Variants in TFEC observed in about 807,000 individuals in gnomAD.
The protein encoded by TFEC is class E basic helix-loop-helix protein 34.
TFEC carries 31 observed loss-of-function variants against 41.6 expected under a neutral mutation model. The ratio of observed to expected loss-of-function variants is 0.74; its 90% confidence interval spans 0.56 to 1.01. The LOEUF is 1.01. Ranked by LOEUF, TFEC falls within the 50% of genes least tolerant of loss-of-function variation. The pLI is 0.00. For missense variants in TFEC, 402 were observed against 404.1 expected (o/e 0.99, Z 0.04); for synonymous variants, 143 against 140.6 (o/e 1.02, Z -0.12).
chr7:116,106,391 T>C (rs1014013785), intron 3 of TFEC, among the ~76,000 whole-genome samples: 1 of 152,072 alleles, frequency 6.6e-6, no homozygotes, highest in African/African-American at 2.4e-5. Context: ...TTTGTTTGTT[T>C]GTTTGTTTTT....
chr7:116,128,085 T>G (rs1798252684), intron 1 of TFEC, among the ~76,000 whole-genome samples: 1 of 152,182 alleles, frequency 6.6e-6, no homozygotes, highest in Non-Finnish European at 1.5e-5. Flanking sequence ...ACTAACATGC[T>G]CTCATGTAAA....
intron 2 of TFEC, among the ~76,000 whole-genome samples, chr7:115,975,987 T>A (rs1793361557): frequency 6.6e-6 from 1 of 152,192 alleles, no homozygotes. Context: ...ATTTCTGCAA[T>A]GATGGGAATG....
intron 1 of TFEC, among the ~76,000 whole-genome samples, chr7:116,028,245 C>A (rs2130880875): frequency 6.6e-6 from 1 of 152,230 alleles, no homozygotes; most frequent in East Asian, 1.9e-4. Flanking sequence ...AATCACAAAA[C>A]CATCTATCAT....
chr7:115,936,592 C>T lies in TFEC; in HGVS notation c.*3959G>A, dbSNP rs1793239024. ...ACGTTTAAATTCCACAATATCCAAA[C>T]AGGAAAAAAGTGTTTCCATGATGCC... On this transcript the variant is annotated 3_prime_UTR_variant, in exon 8 of 8. Transcript: ENST00000265440. 1 of 151,510 alleles carries T rather than the reference C, an allele frequency of 6.6e-6. No homozygotes were observed. Among genetic ancestry groups the T allele is most frequent in the Non-Finnish European group, 1.5e-5 (1 of 67,616 alleles). 9.4% of individuals were successfully genotyped at this position (151,510 alleles called of 1,614,324 possible).
chr7:116,060,223 G>A (rs1304345889), intron 3 of TFEC, among the ~76,000 whole-genome samples: 1 of 152,038 alleles, frequency 6.6e-6, no homozygotes, highest in African/African-American at 2.4e-5. Context: ...AAAATAACAT[G>A]CTGGCAAGGT....
At chr7:116,048,370 A>G (rs1049477102) in intron 3 of TFEC, among the ~76,000 whole-genome samples, 18 of 152,258 alleles carry the variant, frequency 1.2e-4, no homozygotes, top group Non-Finnish European at 2.2e-4. Flanking sequence ...TAATTGGAAG[A>G]AAGGTTATCA....
At chr7:115,986,494 C>G (rs1375937678) in intron 1 of TFEC, among the ~76,000 whole-genome samples, 1 of 151,772 alleles carries the variant, frequency 6.6e-6, no homozygotes, top group Non-Finnish European at 1.5e-5. Context: ...AGCAAAAGCT[C>G]CATAACACAT....
chr7:115,966,076 C>T (rs1387707964), intron 3 of TFEC, among the ~76,000 whole-genome samples: 1 of 151,718 alleles, frequency 6.6e-6, no homozygotes, highest in East Asian at 1.9e-4. Flanking sequence ...AATACAACTT[C>T]CTTCTGCTTT....
chr7:116,130,197 A>G (rs1345842380), intron 1 of TFEC, among the ~76,000 whole-genome samples: 4 of 152,228 alleles, frequency 2.6e-5, no homozygotes, highest in Middle Eastern at 6.8e-3. Flanking sequence ...AAAGTTTCCT[A>G]TATTCTCACT....
intron 1 of TFEC, among the ~76,000 whole-genome samples, chr7:116,001,638 T>C (rs1794600979): frequency 6.6e-6 from 1 of 151,602 alleles, no homozygotes; most frequent in African/African-American, 2.4e-5. Context: ...AAAGCAAAAA[T>C]GGACAAATGG....
intron 3 of TFEC, chr7:115,968,424 G>C (rs1792973484): frequency 1.2e-6 from 1 of 804,326 alleles, no homozygotes; most frequent in Admixed American, 3.5e-5. Flanking sequence ...CAAGCACAGG[G>C]GGTTGTTAAT....
At chr7:115,949,219 A>C (rs938042007) in intron 6 of TFEC, among the ~76,000 whole-genome samples, 1 of 152,136 alleles carries the variant, frequency 6.6e-6, no homozygotes, top group Non-Finnish European at 1.5e-5. Context: ...GAAATGGAAG[A>C]ACATTCCATG....
At chr7:115,955,761 A>G (rs2130413300) in intron 4 of TFEC, among the ~76,000 whole-genome samples, 1 of 152,206 alleles carries the variant, frequency 6.6e-6, no homozygotes, top group African/African-American at 2.4e-5. Context: ...TATTAGAGTT[A>G]TAGTTTAAAA....
rs530644339 is a variant in TFEC, at chr7:116,119,917, T to A, written c.-68-7879A>T. On this transcript the variant is annotated intron_variant, in intron 1 of 8. Coordinates refer to the TFEC transcript ENST00000484212. ...TGATACATCCATATAAAGTCATGGT[T>A]CAGAATAGTTAATTACATTGGAAAT... 2.0e-5 allele frequency among the ~76,000 whole-genome samples: 3 copies of A among 151,590 alleles called. No homozygotes were observed. In the East Asian group the frequency reaches 5.8e-4, roughly 29 times the overall value.
chr7:116,078,116 C>T (rs1296863845), intron 3 of TFEC, among the ~76,000 whole-genome samples: 2 of 151,966 alleles, frequency 1.3e-5, no homozygotes, highest in Non-Finnish European at 2.9e-5. Flanking sequence ...AAATCAACTC[C>T]AAAAGGAACC....
chr7:116,073,427 C>T (rs1796877385), intron 3 of TFEC, among the ~76,000 whole-genome samples: 2 of 151,202 alleles, frequency 1.3e-5, no homozygotes, highest in African/African-American at 4.8e-5. Context: ...AAGCAAATGG[C>T]TCTTAGAAAA....
At chr7:115,980,864 G>A (rs944340741) in intron 2 of TFEC, among the ~76,000 whole-genome samples, 4 of 151,872 alleles carry the variant, frequency 2.6e-5, no homozygotes, top group African/African-American at 9.7e-5. Context: ...CTGACATAAA[G>A]ACTAAATGAA....
chr7:116,110,074 C>T (rs1174171622), intron 3 of TFEC, among the ~76,000 whole-genome samples: 1 of 151,962 alleles, frequency 6.6e-6, no homozygotes, highest in African/African-American at 2.4e-5. Flanking sequence ...CAGGGCCTGT[C>T]ATGGAGTGGG....
intron 1 of TFEC, among the ~76,000 whole-genome samples, chr7:116,124,010 GGTAA>G (rs1057079719): frequency 6.6e-6 from 1 of 152,030 alleles, no homozygotes; most frequent in Non-Finnish European, 1.5e-5. Context: ...GTTGTCTATG[GGTAA>G]GTGACAAGGA....
Sources: allele counts gnomAD v4.1 joint callset (sites outside exome capture counted in the v4.1 genomes callset), GRCh38; gene constraint gnomAD v4.1.1; transcripts MANE v1.5; gene names NCBI Gene and HGNC (gene_info 2026-07-23, HGNC 2026-07-21).